The following CDH20 variants were observed in gnomAD, a reference collection of about 807,000 sequenced individuals.
The protein encoded by CDH20 is cadherin 20.
Under a neutral mutation model 74.2 loss-of-function variants are expected in CDH20, and 29 were observed. That is an observed-to-expected ratio of 0.39 (90% CI 0.29 to 0.53). The LOEUF (loss-of-function observed/expected upper bound fraction) is 0.53, where lower values mean the gene tolerates loss of function less well. CDH20 is among the 20% of genes least tolerant of loss of function. The pLI is 0.69. For missense variants in CDH20, 988 were observed against 1,048.3 expected (o/e 0.94, Z 0.79); for synonymous variants, 469 against 405.4 (o/e 1.16, Z -1.88).
chr18:61,394,443 CA>C (rs1911894807), intron 1 of CDH20, among the ~76,000 whole-genome samples: 1 of 152,100 alleles, frequency 6.6e-6, no homozygotes, highest in African/African-American at 2.4e-5. Flanking sequence ...GACACACACA[CA>C]GGAAGAATGT....
chr18:61,446,493 C>G (rs1909208662), intron 1 of CDH20, among the ~76,000 whole-genome samples: 1 of 152,196 alleles, frequency 6.6e-6, no homozygotes, highest in Non-Finnish European at 1.5e-5. Flanking sequence ...GTTCCATGGT[C>G]AGGAATTTCA....
intron 1 of CDH20, among the ~76,000 whole-genome samples, chr18:61,395,913 A>G (rs1911952671): frequency 6.6e-6 from 1 of 152,130 alleles, no homozygotes; most frequent in African/African-American, 2.4e-5. Context: ...CATGCCTGTA[A>G]TCCCAGCTAC....
At chr18:61,340,014 G>A (rs1307503974) in intron 1 of CDH20, among the ~76,000 whole-genome samples, 1 of 151,982 alleles carries the variant, frequency 6.6e-6, no homozygotes, top group Non-Finnish European at 1.5e-5. Flanking sequence ...TCTTTGACAT[G>A]TAGCCCCCAA....
At chr18:61,387,076 C>T (rs1357911230) in intron 1 of CDH20, among the ~76,000 whole-genome samples, 1 of 152,154 alleles carries the variant, frequency 6.6e-6, no homozygotes, top group African/African-American at 2.4e-5. Flanking sequence ...GGTACTATCT[C>T]AATTTTTGTC....
intron 1 of CDH20, among the ~76,000 whole-genome samples, chr18:61,376,826 T>G (rs144222201): frequency 6.6e-6 from 1 of 152,096 alleles, no homozygotes; most frequent in Non-Finnish European, 1.5e-5. Context: ...AGGTCAGGAA[T>G]CAGGGAGATA....
chr18:61,542,430 G>A (rs1913072188), intron 9 of CDH20, among the ~76,000 whole-genome samples: 1 of 152,216 alleles, frequency 6.6e-6, no homozygotes, highest in South Asian at 2.1e-4. Context: ...CAGCACCTGT[G>A]GGAGGGAAGT....
intron 9 of CDH20, 42 bp from the exon 10 acceptor site, chr18:61,544,985 T>C (rs1913185698): frequency 7.3e-7 from 1 of 1,375,430 alleles, no homozygotes; most frequent in Admixed American, 1.7e-5. Flanking sequence ...TGGTGCTTTT[T>C]CCTTTGGCTC....
At chr18:61,388,610 T>C (rs1045983647) in intron 1 of CDH20, among the ~76,000 whole-genome samples, 8 of 152,208 alleles carry the variant, frequency 5.3e-5, no homozygotes, top group Non-Finnish European at 1.2e-4. Context: ...TCATTATTTT[T>C]CACAATTTGA....
intron 1 of CDH20, among the ~76,000 whole-genome samples, chr18:61,445,033 C>G (rs1181816022): frequency 6.6e-6 from 1 of 152,108 alleles, no homozygotes; most frequent in Non-Finnish European, 1.5e-5. Flanking sequence ...TTAATATCAT[C>G]CATTCTGAAA....
At chr18:61,438,574 G>A (rs528320974) in intron 1 of CDH20, among the ~76,000 whole-genome samples, 1 of 152,204 alleles carries the variant, frequency 6.6e-6, no homozygotes, top group Non-Finnish European at 1.5e-5. Flanking sequence ...ATGCCAGTCA[G>A]AATGGCTACT....
chr18:61,540,319 C>T (rs1912983424), intron 9 of CDH20, among the ~76,000 whole-genome samples: 1 of 152,116 alleles, frequency 6.6e-6, no homozygotes, highest in African/African-American at 2.4e-5. Context: ...TAATTCTGGC[C>T]CCTGACTGTA....
chr18:61,475,158 G>A (rs1319097879), intron 1 of CDH20, among the ~76,000 whole-genome samples: 1 of 152,208 alleles, frequency 6.6e-6, no homozygotes, highest in East Asian at 1.9e-4. Context: ...CTGCTGAAGG[G>A]ATGGAAGTTA....
At chr18:61,544,952 G>T in intron 9 of CDH20, 75 bp from the exon 10 acceptor site, 1 of 936,316 alleles carries the variant, frequency 1.1e-6, no homozygotes, top group South Asian at 1.3e-5. Context: ...TCGCGTTTCC[G>T]GGTTTGGGAT....
In CDH20 at chr18:61,523,679, T is replaced by C. The variant is rs148683494; in HGVS notation, c.1018-4288T>C. 2.8e-3 allele frequency among the ~76,000 whole-genome samples: 424 copies of C among 152,248 alleles called. 1 individual carries two copies. Among genetic ancestry groups the C allele is most frequent in the African/African-American group, 9.9e-3 (411 of 41,534 alleles). On this transcript the variant is annotated intron_variant, in intron 6 of 11. Transcript: ENST00000262717. Reference sequence around the variant, plus strand: ...GACTTGGAACCAACCCAAATGCCCATCAATGACAGACTGGATAAAGAAAAT... The same window carrying C: ...GACTTGGAACCAACCCAAATGCCCACCAATGACAGACTGGATAAAGAAAAT...
At chr18:61,537,185 A>C (rs1413483789) in intron 8 of CDH20, among the ~76,000 whole-genome samples, 1 of 151,624 alleles carries the variant, frequency 6.6e-6, no homozygotes, top group East Asian at 1.9e-4. Context: ...TTTTTTTTCC[A>C]TACTGGTGAT....
At chr18:61,539,167 G>A (rs201087872) in intron 9 of CDH20, 22 bp downstream of exon 9, 45 of 1,612,244 alleles carry the variant, frequency 2.8e-5, no homozygotes, top group African/African-American at 1.6e-4. Context: ...TGTGGGTGGT[G>A]CACTCTGCTT....
At chr18:61,363,535 T>C (rs1259999852) in intron 1 of CDH20, among the ~76,000 whole-genome samples, 1 of 152,214 alleles carries the variant, frequency 6.6e-6, no homozygotes, top group Non-Finnish European at 1.5e-5. Flanking sequence ...ATGTATTTGG[T>C]ATTATTTCAA....
intron 1 of CDH20, among the ~76,000 whole-genome samples, chr18:61,473,159 C>T (rs1910245104): frequency 6.6e-6 from 1 of 152,174 alleles, no homozygotes; most frequent in African/African-American, 2.4e-5. Context: ...CAGTGAATGT[C>T]TTGTTTTGAA....
chr18:61,358,349 T>C lies in CDH20; in HGVS notation c.-153+24522T>C, dbSNP rs573906767. Among the ~76,000 whole-genome samples, 4 of 152,260 alleles carry C rather than the reference T, an allele frequency of 2.6e-5. No homozygotes were observed. In the South Asian group the frequency reaches 8.3e-4, roughly 32 times the overall value. On this transcript the variant is annotated intron_variant, in intron 1 of 11. Coordinates refer to ENST00000262717, the MANE Select transcript of CDH20 (RefSeq NM_031891.4). ...GTTAGCCAGGATGGTCTCGATCTCC[T>C]GACCTCGTGATCCTCCCACCTCGGC... is the stretch of plus-strand genomic sequence containing the variant.
Sources: allele counts gnomAD v4.1 joint callset (sites outside exome capture counted in the v4.1 genomes callset), GRCh38; gene constraint gnomAD v4.1.1; transcripts MANE v1.5; gene names NCBI Gene and HGNC (gene_info 2026-07-23, HGNC 2026-07-21).